The following L3MBTL3 variants were observed in gnomAD, a reference collection of about 807,000 sequenced individuals.
The protein encoded by L3MBTL3 is lethal(3)malignant brain tumor-like protein 3.
L3MBTL3 carries 27 observed loss-of-function variants against 102.3 expected under a neutral mutation model. That is an observed-to-expected ratio of 0.26 (90% CI 0.19 to 0.36). The LOEUF is 0.36. Among genes scored for constraint, L3MBTL3 ranks in the 10% least tolerant of loss-of-function variants. L3MBTL3 has a pLI of 1.00. For missense variants in L3MBTL3, 798 were observed against 955.3 expected (o/e 0.84, Z 2.17); for synonymous variants, 340 against 320.9 (o/e 1.06, Z -0.64).
chr6:130,075,917 C>T lies in L3MBTL3; in HGVS notation c.1245-2641C>T, dbSNP rs1446522890. Among the ~76,000 whole-genome samples the T allele has an allele frequency of 2.0e-5, 3 of 152,118 alleles. No individual in the cohort carries two copies. The South Asian group carries it at 6.2e-4, about 32-fold the overall frequency. ...ATCACCTTTATCTCTTCCAAGTATT[C>T]GTTGTGTTAATGAAAGATTTTAAGC... On this transcript the variant is annotated intron_variant, in intron 13 of 22. Coordinates refer to ENST00000361794, the MANE Select transcript of L3MBTL3 (RefSeq NM_032438.4).
chr6:130,103,426 G>T (rs970715542), intron 18 of L3MBTL3, among the ~76,000 whole-genome samples: 2 of 152,246 alleles, frequency 1.3e-5, no homozygotes, highest in Admixed American at 6.5e-5. Flanking sequence ...TCCTAGGAGG[G>T]TGTATCAGAT....
At chr6:130,086,474 A>T (rs894908169) in intron 16 of L3MBTL3, among the ~76,000 whole-genome samples, 1 of 152,216 alleles carries the variant, frequency 6.6e-6, no homozygotes, top group South Asian at 2.1e-4. Flanking sequence ...TATTTTGAGT[A>T]TGTATTTGGA....
chr6:130,072,164 TAAAAA>T (rs1782678759), intron 13 of L3MBTL3, among the ~76,000 whole-genome samples: 1 of 151,490 alleles, frequency 6.6e-6, no homozygotes. Context: ...AATACAATAA[TAAAAA>T]TAATACAAAT....
intron 19 of L3MBTL3, among the ~76,000 whole-genome samples, chr6:130,120,489 A>G (rs112322686): frequency 3.5e-4 from 53 of 152,340 alleles, no homozygotes; most frequent in African/African-American, 1.2e-3. Flanking sequence ...TGAGTCGTAT[A>G]TAGTGATTTA....
At chr6:130,080,735 A>T (rs75801376) in intron 14 of L3MBTL3, among the ~76,000 whole-genome samples, 473 of 152,374 alleles carry the variant, frequency 3.1e-3, no homozygotes, top group African/African-American at 0.011. Context: ...ATACACAACA[A>T]TATGAATATA....
At chr6:130,026,103 T>TAA (rs1227895684) in intron 2 of L3MBTL3, among the ~76,000 whole-genome samples, 2 of 150,758 alleles carry the variant, frequency 1.3e-5, no homozygotes, top group Non-Finnish European at 3.0e-5. Context: ...GTTGCTCTTT[T>TAA]AAAAACCCTA....
At chr6:130,053,744 A>G (rs1031581451) in intron 7 of L3MBTL3, among the ~76,000 whole-genome samples, 3 of 152,196 alleles carry the variant, frequency 2.0e-5, no homozygotes, top group African/African-American at 7.2e-5. Context: ...CATAAATATC[A>G]TATTCCTAAA....
intron 2 of L3MBTL3, among the ~76,000 whole-genome samples, chr6:130,032,983 A>T (rs1779823878): frequency 6.6e-6 from 1 of 152,134 alleles, no homozygotes; most frequent in African/African-American, 2.4e-5. Flanking sequence ...ACAGAGCAAG[A>T]CCCTGTCTCA....
chr6:130,077,498 A>G (rs1007418154), intron 13 of L3MBTL3, among the ~76,000 whole-genome samples: 7 of 152,252 alleles, frequency 4.6e-5, no homozygotes, highest in African/African-American at 1.4e-4. Flanking sequence ...TAATAAGGAA[A>G]AGATATTTTC....
chr6:130,081,349 T>C (rs1347643419), intron 14 of L3MBTL3, among the ~76,000 whole-genome samples: 2 of 152,184 alleles, frequency 1.3e-5, no homozygotes, highest in African/African-American at 2.4e-5. Context: ...TTAAATTGTT[T>C]AAATTGTGCA....
intron 6 of L3MBTL3, among the ~76,000 whole-genome samples, chr6:130,051,795 C>T (rs1781112066): frequency 6.6e-6 from 1 of 152,218 alleles, no homozygotes; most frequent in South Asian, 2.1e-4. Context: ...TCGGTTAAAA[C>T]TCCACCTACG....
At chr6:130,049,206 A>G (rs1780925680) in intron 3 of L3MBTL3, 76 bp from the exon 4 acceptor site, 2 of 810,858 alleles carry the variant, frequency 2.5e-6, no homozygotes, top group Non-Finnish European at 2.1e-6. Context: ...TGAAGACTAT[A>G]TGTGTCAGCC....
chr6:130,098,489 G>A (rs1352415117), intron 18 of L3MBTL3, among the ~76,000 whole-genome samples: 1 of 152,130 alleles, frequency 6.6e-6, no homozygotes, highest in Admixed American at 6.5e-5. Flanking sequence ...GGTATGTTAC[G>A]GAGTTTTTAT....
intron 16 of L3MBTL3, among the ~76,000 whole-genome samples, chr6:130,091,537 G>T (rs1784048267): frequency 6.6e-6 from 1 of 152,120 alleles, no homozygotes; most frequent in South Asian, 2.1e-4. Flanking sequence ...TGGCCATAGA[G>T]ATGGTAGCAG....
chr6:130,052,624 A>G (rs1781178417), intron 6 of L3MBTL3, among the ~76,000 whole-genome samples: 1 of 152,238 alleles, frequency 6.6e-6, no homozygotes, highest in Admixed American at 6.5e-5. Flanking sequence ...CCCTTTTGAA[A>G]TTAATATATA....
intron 13 of L3MBTL3, among the ~76,000 whole-genome samples, chr6:130,074,675 T>C (rs1317078116): frequency 6.6e-6 from 1 of 152,152 alleles, no homozygotes; most frequent in Non-Finnish European, 1.5e-5. Context: ...AAAAATGTTA[T>C]TTTCATGTAC....
At chr6:130,072,948 G>A (rs1390895762) in intron 13 of L3MBTL3, among the ~76,000 whole-genome samples, 2 of 152,034 alleles carry the variant, frequency 1.3e-5, no homozygotes, top group African/African-American at 4.8e-5. Flanking sequence ...TTTCTTCCTC[G>A]TTGATTGTAG....
chr6:130,108,316 C>A lies in L3MBTL3; in HGVS notation c.1886+3741C>A, dbSNP rs539406425. Among the ~76,000 whole-genome samples, 30 of 146,572 alleles carry A rather than the reference C, an allele frequency of 2.0e-4. 1 individual carries two copies. In the East Asian group the frequency reaches 5.8e-3, roughly 28 times the overall value. On this transcript the variant is annotated intron_variant, in intron 19 of 22. Transcript: ENST00000361794. The stretch of plus-strand genomic sequence containing the variant: ...GTGGCGTGATCTTGGCTCACTGCAA[C>A]CTCCGCCTCCCAGGTTCAAGGGATT...
chr6:130,019,070 C>G (rs1199960092), intron 1 of L3MBTL3, among the ~76,000 whole-genome samples: 2 of 151,784 alleles, frequency 1.3e-5, no homozygotes, highest in Non-Finnish European at 2.9e-5. Flanking sequence ...TGTGGGGGGC[C>G]GTGCGGAAGG....
Sources: gnomAD v4.1 joint callset for allele counts (sites outside exome capture counted in the v4.1 genomes callset) on GRCh38, gnomAD v4.1.1 for gene constraint, MANE v1.5 for transcripts, NCBI Gene and HGNC (gene_info 2026-07-23, HGNC 2026-07-21) for gene names.